Variants in KCTD16 observed in about 807,000 individuals in gnomAD.
KCTD16 encodes the protein BTB/POZ domain-containing protein KCTD16.
Under a neutral mutation model 33.2 loss-of-function variants are expected in KCTD16, and 13 were observed. The observed-to-expected ratio is 0.39, with a 90% CI of 0.25 to 0.62. KCTD16 has a LOEUF of 0.62. Among genes scored for constraint, KCTD16 ranks in the 20% least tolerant of loss-of-function variants. KCTD16 has a pLI of 0.50. For missense variants in KCTD16, 441 were observed against 525.1 expected (o/e 0.84, Z 1.57); for synonymous variants, 197 against 195.3 (o/e 1.01, Z -0.07).
intron 3 of KCTD16, among the ~76,000 whole-genome samples, chr5:144,394,771 T>C (rs529621989): frequency 9.6e-4 from 147 of 152,332 alleles, no homozygotes; most frequent in African/African-American, 3.4e-3. Flanking sequence ...GGTCTTTGCT[T>C]TCCCTTCACC....
At chr5:144,446,181 G>C (rs1454154958) in intron 3 of KCTD16, among the ~76,000 whole-genome samples, 1 of 151,798 alleles carries the variant, frequency 6.6e-6, no homozygotes, top group African/African-American at 2.4e-5. Context: ...TTAGTTGGTT[G>C]ATTTTTTTAA....
chr5:144,209,882 GTA>G (rs1193713462), intron 3 of KCTD16, among the ~76,000 whole-genome samples: 4 of 143,062 alleles, frequency 2.8e-5, no homozygotes, highest in Admixed American at 7.1e-5. Context: ...GTGTATGTAT[GTA>G]TATATATGTG....
chr5:144,181,922 C>T (rs1362488031), intron 2 of KCTD16, among the ~76,000 whole-genome samples: 1 of 152,140 alleles, frequency 6.6e-6, no homozygotes, highest in South Asian at 2.1e-4. Flanking sequence ...GACAAAACCC[C>T]ATCTCTACTA....
chr5:144,393,956 CTTTTTTCT>C lies in KCTD16; in HGVS notation c.833-79697_833-79690del, dbSNP rs1431659431. Among the ~76,000 whole-genome samples the C allele has an allele frequency of 4.5e-5, 6 of 133,654 alleles. No homozygotes were observed. The East Asian group carries it at 1.4e-3, about 32-fold the overall frequency. The allele number at this position is 133,654 out of a possible 152,430, so 87.7% of individuals were successfully genotyped here. ...TCTTTTGCTTTTCCTTTTTTTCTTT[CTTTTTTCT>C]TTTTTTTTTTTTTTTTGTTTAAACT... On this transcript the variant is annotated intron_variant, in intron 3 of 3. Coordinates refer to ENST00000512467, the MANE Select transcript of KCTD16 (RefSeq NM_020768.4).
Position 144,336,398 on chromosome 5 carries a change from G to A in KCTD16, c.832+128852G>A, listed in dbSNP as rs927406609. On this transcript the variant is annotated intron_variant, in intron 3 of 3. Transcript: ENST00000512467. ...GGGCTGTGCACAAATGAGGCAATTC[G>A]GAAGCCAGGAAGAGCATCTGCATGT... Among the ~76,000 whole-genome samples, 4 of 152,264 alleles carry A rather than the reference G, an allele frequency of 2.6e-5. No individual in the cohort carries two copies. In the South Asian group the frequency reaches 6.2e-4, roughly 24 times the overall value.
intron 3 of KCTD16, among the ~76,000 whole-genome samples, chr5:144,247,664 T>C (rs560048717): frequency 6.6e-6 from 1 of 152,196 alleles, no homozygotes; most frequent in Non-Finnish European, 1.5e-5. Flanking sequence ...ACCATGATCA[T>C]GATTATTATT....
intron 3 of KCTD16, among the ~76,000 whole-genome samples, chr5:144,443,749 C>T (rs528292757): frequency 1.3e-5 from 2 of 152,110 alleles, no homozygotes; most frequent in South Asian, 4.1e-4. Context: ...CTATCCTTGG[C>T]TAGTGGGAGC....
chr5:144,293,408 G>A (rs905078499), intron 3 of KCTD16, among the ~76,000 whole-genome samples: 4 of 152,060 alleles, frequency 2.6e-5, no homozygotes, highest in Non-Finnish European at 5.9e-5. Context: ...CATGTTCATT[G>A]TCTCTATAGT....
rs910182623 is a variant in KCTD16 at position 144,481,740 on chromosome 5, A to T, written c.*7626A>T. 33 of 151,960 alleles carry T rather than the reference A, an allele frequency of 2.2e-4. No homozygotes were observed. Among genetic ancestry groups the T allele is most frequent in the African/African-American group, 7.5e-4 (31 of 41,398 alleles). 9.4% of individuals were successfully genotyped at this position (151,960 alleles called of 1,614,324 possible). ...TATAGGTCACTGTCGTGAGCATTAT[A>T]ATGTCTAAGCAATCAAATTTGGAGT... On this transcript the variant is annotated 3_prime_UTR_variant, in exon 4 of 4. Transcript: ENST00000512467.
chr5:144,194,461 G>A (rs549119056), intron 2 of KCTD16, among the ~76,000 whole-genome samples: 96 of 152,314 alleles, frequency 6.3e-4, no homozygotes, highest in Middle Eastern at 3.4e-3. Context: ...TCCAGAGTAA[G>A]GATTGGTCAA....
At chr5:144,447,944 G>T (rs151326224) in intron 3 of KCTD16, among the ~76,000 whole-genome samples, 108 of 152,182 alleles carry the variant, frequency 7.1e-4, no homozygotes, top group African/African-American at 2.6e-3. Context: ...CTAAGGGTGA[G>T]ACCAAGCATC....
In KCTD16 at chr5:144,483,263, G is replaced by A. The variant is rs570983492; in HGVS notation, c.*9149G>A. On this transcript the variant is annotated 3_prime_UTR_variant, in exon 4 of 4. Coordinates refer to ENST00000512467, the MANE Select transcript of KCTD16 (RefSeq NM_020768.4). Reference sequence around the variant, plus strand: ...CACAAATTCAATGGTTATTGCCCTAGTGGTGCTTCACTTACCTATTGGTTA... The same window carrying A: ...CACAAATTCAATGGTTATTGCCCTAATGGTGCTTCACTTACCTATTGGTTA... The A allele has an allele frequency of 6.6e-6, 1 of 151,784 alleles. No individual in the cohort carries two copies. Among genetic ancestry groups the A allele is most frequent in the Non-Finnish European group, 1.5e-5 (1 of 67,872 alleles). 9.4% of individuals were successfully genotyped at this position (151,784 alleles called of 1,614,324 possible).
intron 3 of KCTD16, among the ~76,000 whole-genome samples, chr5:144,252,328 T>G (rs1754723324): frequency 6.6e-6 from 1 of 152,178 alleles, no homozygotes; most frequent in African/African-American, 2.4e-5. Flanking sequence ...ATAGCCCATG[T>G]CTGGGGCTAT....
In KCTD16 at chr5:144,411,974, G is replaced by C. The variant is rs140272596; in HGVS notation, c.833-61686G>C. ...TAAATGAAAATCAAAACTACAATGA[G>C]TATCATCTCAACCCAGTTCAAATGG... On this transcript the variant is annotated intron_variant, in intron 3 of 3. Transcript: ENST00000512467. 3.3e-3 allele frequency among the ~76,000 whole-genome samples: 499 copies of C among 152,208 alleles called. 3 individuals carry two copies. The highest frequency in any genetic ancestry group is 0.012 in the African/African-American group (484 of 41,530).
At chr5:144,306,903 T>G (rs1751616677) in intron 3 of KCTD16, among the ~76,000 whole-genome samples, 1 of 152,224 alleles carries the variant, frequency 6.6e-6, no homozygotes, top group Non-Finnish European at 1.5e-5. Context: ...CCATAATTAT[T>G]GTTAACACAT....
At chr5:144,336,248 G>T (rs1752490202) in intron 3 of KCTD16, among the ~76,000 whole-genome samples, 1 of 152,198 alleles carries the variant, frequency 6.6e-6, no homozygotes, top group African/African-American at 2.4e-5. Context: ...TCCAGACACG[G>T]CTTCTGACCT....
In KCTD16 at chr5:144,318,152, C is replaced by T. The variant is rs147689331; in HGVS notation, c.832+110606C>T. Among the ~76,000 whole-genome samples the T allele has an allele frequency of 3.4e-3, 520 of 152,262 alleles. 1 individual carries two copies. The highest frequency in any genetic ancestry group is 0.012 in the African/African-American group (507 of 41,562). ...AGGAGAAGGGGTCCTCTTGCGGTGA[C>T]CATTCTTGCAAATCTCTTTTTGTTA... On this transcript the variant is annotated intron_variant, in intron 3 of 3. Transcript: ENST00000512467.
At position 144,343,851 on chromosome 5, in the gene KCTD16, CA is replaced by C. The variant is rs1317232790; in HGVS notation, c.833-129808del. On this transcript the variant is annotated intron_variant, in intron 3 of 3. Coordinates refer to ENST00000512467, the MANE Select transcript of KCTD16 (RefSeq NM_020768.4). ...TTTCGTTATGTACCCAGTAGTCATT[CA>C]GGTGCATTTGTTTAGTTTCCATGTA... Among the ~76,000 whole-genome samples the C allele has an allele frequency of 1.3e-5, 2 of 152,176 alleles. 1 individual carries two copies. Among genetic ancestry groups the C allele is most frequent in the African/African-American group, 4.8e-5 (2 of 41,444 alleles).
intron 3 of KCTD16, among the ~76,000 whole-genome samples, chr5:144,440,430 T>C (rs1258490425): frequency 1.3e-5 from 2 of 152,194 alleles, no homozygotes; most frequent in Non-Finnish European, 2.9e-5. Context: ...CAGCACCACT[T>C]CACATTTCAC....
Sources: allele counts gnomAD v4.1 joint callset (sites outside exome capture counted in the v4.1 genomes callset), GRCh38; gene constraint gnomAD v4.1.1; transcripts MANE v1.5; gene names NCBI Gene and HGNC (gene_info 2026-07-23, HGNC 2026-07-21).